LRP1B: variants seen among roughly 807,000 people sequenced by gnomAD.
LRP1B encodes LDL receptor related protein 1B, also known as low-density lipoprotein receptor-related protein 1B.
A neutral mutation model predicts 556.6 loss-of-function variants in LRP1B; 217 were observed. The ratio of observed to expected loss-of-function variants is 0.39; its 90% confidence interval spans 0.35 to 0.44. The LOEUF is 0.44. LRP1B is among the 20% of genes least tolerant of loss of function. LRP1B has a pLI of 1.00. For synonymous variants in LRP1B, 2,047 were observed against 1,865.8 expected (o/e 1.10, Z -2.50); for missense variants, 5,053 against 5,620.8 (o/e 0.90, Z 3.23).
intron 43 of LRP1B, among the ~76,000 whole-genome samples, chr2:140,572,610 C>G (rs901026196): frequency 6.6e-6 from 1 of 151,572 alleles, no homozygotes; most frequent in Non-Finnish European, 1.5e-5. Flanking sequence ...TATGAACCAG[C>G]AATCCTGCAA....
chr2:141,756,863 A>G (rs1474064524), intron 2 of LRP1B, among the ~76,000 whole-genome samples: 2 of 152,180 alleles, frequency 1.3e-5, no homozygotes, highest in African/African-American at 2.4e-5. Flanking sequence ...TTCCACAGTG[A>G]TGAAATCAAC....
At chr2:141,001,017 C>A (rs1026419058) in intron 15 of LRP1B, among the ~76,000 whole-genome samples, 3 of 151,942 alleles carry the variant, frequency 2.0e-5, no homozygotes, top group Non-Finnish European at 2.9e-5. Context: ...CAATGATCCA[C>A]TAATTATGAT....
intron 45 of LRP1B, 117 bp from the exon 46 acceptor site, chr2:140,536,826 T>G: frequency 2.6e-6 from 2 of 778,386 alleles, no homozygotes; most frequent in East Asian, 2.8e-5. Flanking sequence ...TATCAAAATG[T>G]ACAATTAAAG....
chr2:141,984,574 T>C (rs560108426), intron 1 of LRP1B, among the ~76,000 whole-genome samples: 2 of 152,262 alleles, frequency 1.3e-5, no homozygotes, highest in African/African-American at 4.8e-5. Context: ...CCTGTGTCCC[T>C]ATTAGATTTT....
intron 77 of LRP1B, among the ~76,000 whole-genome samples, chr2:140,347,784 G>C (rs1439107279): frequency 6.6e-6 from 1 of 151,864 alleles, no homozygotes; most frequent in Non-Finnish European, 1.5e-5. Flanking sequence ...GCCATAATCA[G>C]CCTGGGGAAA....
chr2:141,464,575 G>C (rs1048985625), intron 3 of LRP1B, among the ~76,000 whole-genome samples: 1 of 115,872 alleles, frequency 8.6e-6, no homozygotes, highest in African/African-American at 3.3e-5. Flanking sequence ...ACCACGCCTG[G>C]CTAATTTTGT....
rs529952135 is a variant in LRP1B at position 140,235,242 on chromosome 2, T to C, written c.13561-358A>G. ...TCAAACTGTTCTGTGGTTACCCCCA[T>C]AGTCAAATCAATTTTATTAACTGCA... On this transcript the variant is annotated intron_variant, in intron 89 of 90. Transcript: ENST00000389484. Among the ~76,000 whole-genome samples the C allele has an allele frequency of 5.3e-5, 8 of 151,344 alleles. No homozygotes were observed. The South Asian group carries it at 1.5e-3, about 27-fold the overall frequency.
chr2:141,288,685 T>TTTAC (rs1240307283), intron 3 of LRP1B, among the ~76,000 whole-genome samples: 7 of 152,192 alleles, frequency 4.6e-5, no homozygotes, highest in Non-Finnish European at 1.5e-5. Flanking sequence ...ACTTTACATA[T>TTTAC]TTACTTACAG....
intron 6 of LRP1B, among the ~76,000 whole-genome samples, chr2:141,223,516 G>A (rs1340726130): frequency 5.9e-5 from 9 of 152,050 alleles, no homozygotes; most frequent in Non-Finnish European, 5.9e-5. Context: ...ATTCTTCAGT[G>A]AATTAGAAAA....
chr2:140,976,045 G>A (rs1178471622), intron 18 of LRP1B, among the ~76,000 whole-genome samples: 2 of 151,870 alleles, frequency 1.3e-5, no homozygotes, highest in Non-Finnish European at 2.9e-5. Context: ...AGCCTCCCAA[G>A]TAACTGGGAC....
At chr2:140,792,783 A>T (rs547081468) in intron 32 of LRP1B, among the ~76,000 whole-genome samples, 179 of 152,292 alleles carry the variant, frequency 1.2e-3, no homozygotes, top group African/African-American at 4.1e-3. Flanking sequence ...TCATTAAATG[A>T]CAGAATATGT....
chr2:141,017,644 C>CATAT (rs57888884), intron 12 of LRP1B, among the ~76,000 whole-genome samples: 22 of 150,482 alleles, frequency 1.5e-4, no homozygotes, highest in South Asian at 8.4e-4. Flanking sequence ...AGAGAGGTTA[C>CATAT]ATATATATAT....
rs576084657 is a variant in LRP1B at position 140,891,948 on chromosome 2, C to G, written c.3767-5613G>C. 9.9e-5 allele frequency among the ~76,000 whole-genome samples: 15 copies of G among 152,096 alleles called. 2 individuals carry two copies. The highest frequency in any genetic ancestry group is 3.6e-4 in the African/African-American group (15 of 41,502). The stretch of plus-strand genomic sequence containing the variant: ...ATTTGCTTAACTCACCAATTCTTTT[C>G]ATTAACAAGTTGTAAGAATCCTCCT... On this transcript the variant is annotated intron_variant, in intron 23 of 90. Coordinates refer to ENST00000389484, the MANE Select transcript of LRP1B (RefSeq NM_018557.3).
chr2:140,916,787 CA>C (rs1255186119), intron 21 of LRP1B, among the ~76,000 whole-genome samples: 1 of 152,174 alleles, frequency 6.6e-6, no homozygotes, highest in Admixed American at 6.5e-5. Flanking sequence ...CAAACAATGA[CA>C]ATAGTTTCTT....
At chr2:141,342,944 A>C (rs1191761704) in intron 3 of LRP1B, among the ~76,000 whole-genome samples, 2 of 152,136 alleles carry the variant, frequency 1.3e-5, no homozygotes, top group Non-Finnish European at 2.9e-5. Flanking sequence ...GGTTGACATG[A>C]AGGAAAAAAA....
chr2:140,981,691 G>A (rs1308004006), intron 18 of LRP1B, among the ~76,000 whole-genome samples: 2 of 152,084 alleles, frequency 1.3e-5, no homozygotes, highest in Non-Finnish European at 2.9e-5. Flanking sequence ...CGACTCTACG[G>A]AAATGAAAAC....
chr2:142,109,284 G>A (rs914781052), intron 1 of LRP1B, among the ~76,000 whole-genome samples: 9 of 152,060 alleles, frequency 5.9e-5, no homozygotes, highest in African/African-American at 9.7e-5. Flanking sequence ...GGGGAACAAC[G>A]GTTTCCCAAA....
intron 59 of LRP1B, among the ~76,000 whole-genome samples, chr2:140,484,760 A>C (rs1688397506): frequency 6.6e-6 from 1 of 152,168 alleles, no homozygotes. Flanking sequence ...CTCATTTGAA[A>C]TCTCCAGCCT....
At chr2:141,872,189 C>A (rs892633746) in intron 1 of LRP1B, among the ~76,000 whole-genome samples, 3 of 152,054 alleles carry the variant, frequency 2.0e-5, no homozygotes, top group African/African-American at 7.2e-5. Flanking sequence ...GTATCCCTGA[C>A]AGTCACGAAG....
Sources: allele counts gnomAD v4.1 joint callset (sites outside exome capture counted in the v4.1 genomes callset), GRCh38; gene constraint gnomAD v4.1.1; transcripts MANE v1.5; gene names NCBI Gene and HGNC (gene_info 2026-07-23, HGNC 2026-07-21).